Variants in CELF5 observed in about 807,000 individuals in gnomAD.
CELF5 encodes the protein CUG-BP and ETR-3 like factor 5.
Under a neutral mutation model 54.9 loss-of-function variants are expected in CELF5, and 6 were observed. The observed-to-expected ratio is 0.11, with a 90% CI of 0.06 to 0.22. The LOEUF (loss-of-function observed/expected upper bound fraction) is 0.22. Among genes scored for constraint, CELF5 ranks in the 10% least tolerant of loss-of-function variants. The pLI is 1.00. For synonymous variants in CELF5, 271 were observed against 290.9 expected (o/e 0.93, Z 0.70); for missense variants, 401 against 678.6 (o/e 0.59, Z 4.54).
chr19:3,257,020 GC>G (rs2079737571), intron 2 of CELF5, among the ~76,000 whole-genome samples: 1 of 152,088 alleles, frequency 6.6e-6, no homozygotes, highest in Non-Finnish European at 1.5e-5. Context: ...TGTAGCCCAG[GC>G]CCGTCCCGAA....
chr19:3,276,040 CG>C, intron 4 of CELF5, 56 bp downstream of exon 4: 1 of 37,120 alleles, frequency 2.7e-5, no homozygotes, highest in South Asian at 1.5e-4. Flanking sequence ...GCTCTGGGGG[CG>C]GGGCCTGTGG....
chr19:3,225,566 C>CG, intron 1 of CELF5: 1 of 980,366 alleles, frequency 1.0e-6, no homozygotes, highest in Non-Finnish European at 1.2e-6. Flanking sequence ...GCCAGGCCGG[C>CG]GGGGCAGGTC....
rs895951710 is a variant in CELF5, at chr19:3,268,166, T to G, written c.343-5706T>G. ...GGTGCCCGCCACCACGCCCAGCTAC[T>G]TTTTGTATTTTTAGTAGAGATGCGG... On this transcript the variant is annotated intron_variant, in intron 2 of 12. Transcript: ENST00000292672. The surrounding 1 kb of genome is among the most constrained non-coding windows in gnomAD (Gnocchi z 4.4). Among the ~76,000 whole-genome samples, 1 of 151,986 alleles carries G rather than the reference T, an allele frequency of 6.6e-6. No individual in the cohort carries two copies. The highest frequency in any genetic ancestry group is 2.4e-5 in the African/African-American group (1 of 41,372).
chr19:3,291,999 T>G (rs925472157), intron 11 of CELF5, among the ~76,000 whole-genome samples: 4 of 152,026 alleles, frequency 2.6e-5, no homozygotes, highest in Non-Finnish European at 5.9e-5. Flanking sequence ...CAGGCTGGAG[T>G]GCAATTGCAC....
intron 11 of CELF5, among the ~76,000 whole-genome samples, chr19:3,290,981 C>G (rs747433764): frequency 1.3e-5 from 2 of 151,604 alleles, no homozygotes; most frequent in Non-Finnish European, 2.9e-5. Flanking sequence ...TTTTAATTAG[C>G]TGAGCTTAGT....
intron 12 of CELF5, chr19:3,294,138 C>T (rs529415619): frequency 1.3e-5 from 2 of 152,320 alleles, no homozygotes; most frequent in East Asian, 3.9e-4. Flanking sequence ...GAAAAACAAG[C>T]AAAACGAAAC....
intron 2 of CELF5, among the ~76,000 whole-genome samples, chr19:3,269,343 T>A (rs1204207970): frequency 6.7e-6 from 1 of 149,696 alleles, no homozygotes; most frequent in Non-Finnish European, 1.5e-5. Context: ...ACCTAGCTAA[T>A]TTTTTTGTAT....
chr19:3,293,239 G>C, intron 11 of CELF5, 80 bp from the exon 12 acceptor site: 1 of 1,575,798 alleles, frequency 6.3e-7, no homozygotes, highest in Admixed American at 1.7e-5. Flanking sequence ...CCCGTGAGCC[G>C]GGAAGCCAGG....
At chr19:3,231,519 T>C (rs963264192) in intron 1 of CELF5, among the ~76,000 whole-genome samples, 1 of 145,120 alleles carries the variant, frequency 6.9e-6, no homozygotes, top group Non-Finnish European at 1.5e-5. Context: ...TATGGATGGA[T>C]GGGTGGATGA....
intron 2 of CELF5, among the ~76,000 whole-genome samples, chr19:3,272,162 T>C (rs1282454448): frequency 6.6e-6 from 1 of 151,996 alleles, no homozygotes; most frequent in Non-Finnish European, 1.5e-5. Context: ...ACTCAGCAGA[T>C]CGAGACCATC....
rs561317801 is a variant in CELF5 at position 3,278,705 on chromosome 19, G to A, written c.603+595G>A. On this transcript the variant is annotated intron_variant, in intron 5 of 12. Coordinates refer to ENST00000292672, the MANE Select transcript of CELF5 (RefSeq NM_021938.4). This position sits in a 1 kb window ranked among gnomAD's most constrained non-coding sequence, Gnocchi z 4.5. ...TGTGTGTGTGTGTGTGTGTGTTTGTGTGTGTGCATGACTGTGAGTGTGTCA... is the reference window on the plus strand; with the variant it reads ...TGTGTGTGTGTGTGTGTGTGTTTGTATGTGTGCATGACTGTGAGTGTGTCA... 6.7e-6 allele frequency among the ~76,000 whole-genome samples: 1 copy of A among 150,030 alleles called. No individual in the cohort carries two copies. The highest frequency in any genetic ancestry group is 1.5e-5 in the Non-Finnish European group (1 of 66,766).
chr19:3,275,616 GC>G lies in CELF5; in HGVS notation c.395-239del, dbSNP rs1599459325. On this transcript the variant is annotated intron_variant, in intron 3 of 12. Transcript: ENST00000292672. The surrounding 1 kb of genome is among the most constrained non-coding windows in gnomAD (Gnocchi z 6.7). ...TGCAGGGAGGGCATTCCAGGCGGGG[GC>G]GCCACCTGGGCAAAGGCCGGGAGAT... Among the ~76,000 whole-genome samples the G allele has an allele frequency of 6.6e-6, 1 of 152,216 alleles. No individual in the cohort carries two copies. Among genetic ancestry groups the G allele is most frequent in the East Asian group, 1.9e-4 (1 of 5,172 alleles).
At chr19:3,226,181 C>T (rs764698059) in intron 1 of CELF5, among the ~76,000 whole-genome samples, 6 of 152,272 alleles carry the variant, frequency 3.9e-5, no homozygotes, top group Middle Eastern at 3.4e-3. Context: ...GGGGAAGGAC[C>T]GGGGCCCATG....
At chr19:3,272,326 G>A (rs980490485) in intron 2 of CELF5, among the ~76,000 whole-genome samples, 2 of 151,326 alleles carry the variant, frequency 1.3e-5, no homozygotes, top group Middle Eastern at 3.2e-3. Context: ...CCGAGATCAC[G>A]TCACTGCATT....
chr19:3,290,377 G>C lies in CELF5; in HGVS notation c.1330+3G>C. ...TACCAACCAGAGCAAGTGTTTCGGT[G>C]AGTGGCCGCCGACGCCACCCCTCCC... On this transcript the variant is annotated splice_donor_region_variant and intron_variant, in intron 11 of 12. Transcript: ENST00000292672. The C allele has an allele frequency of 6.2e-7, 1 of 1,612,966 alleles. No individual in the cohort carries two copies. Among genetic ancestry groups the C allele is most frequent in the Non-Finnish European group, 8.5e-7 (1 of 1,179,236 alleles).
At chr19:3,227,181 C>T (rs1916972779) in intron 1 of CELF5, among the ~76,000 whole-genome samples, 2 of 152,154 alleles carry the variant, frequency 1.3e-5, no homozygotes, top group Non-Finnish European at 1.5e-5. Flanking sequence ...TGGTCTTTGC[C>T]TGCAGGTGCT....
At chr19:3,234,697 T>A (rs1290644014) in intron 1 of CELF5, among the ~76,000 whole-genome samples, 2 of 152,046 alleles carry the variant, frequency 1.3e-5, no homozygotes, top group African/African-American at 4.8e-5. Flanking sequence ...AACCTGGGAA[T>A]GCCCTTGACT....
chr19:3,275,761 G>C lies in CELF5; in HGVS notation c.395-95G>C. 7.2e-7 allele frequency: 1 copy of C among 1,384,738 alleles called. No homozygotes were observed. The highest frequency in any genetic ancestry group is 9.7e-7 in the Non-Finnish European group (1 of 1,035,866). The allele number at this position is 1,384,738 out of a possible 1,614,324, so 85.8% of individuals were successfully genotyped here. On this transcript the variant is annotated intron_variant, in intron 3 of 12. Transcript: ENST00000292672. This position sits in a 1 kb window ranked among gnomAD's most constrained non-coding sequence, Gnocchi z 6.7. Reference sequence around the variant, plus strand: ...CAGGGCCCGGGCGCCGCGTCTTCCTGCCCTGCCGCCTCCACTCTGCTGGAG... The same window carrying C: ...CAGGGCCCGGGCGCCGCGTCTTCCTCCCCTGCCGCCTCCACTCTGCTGGAG...
chr19:3,267,994 GT>G (rs2079906516), intron 2 of CELF5, among the ~76,000 whole-genome samples: 1 of 151,950 alleles, frequency 6.6e-6, no homozygotes, highest in Admixed American at 6.6e-5. Context: ...GTAGATTTTT[GT>G]TTTGTTTTGT....
Sources: allele counts gnomAD v4.1 joint callset (sites outside exome capture counted in the v4.1 genomes callset), GRCh38; gene constraint gnomAD v4.1.1; non-coding constraint Gnocchi (gnomAD v3.1); transcripts MANE v1.5; gene names NCBI Gene and HGNC (gene_info 2026-07-23, HGNC 2026-07-21).